PACRG: variants seen among roughly 807,000 people sequenced by gnomAD.
The protein encoded by PACRG is parkin coregulated.
A neutral mutation model predicts 29.7 loss-of-function variants in PACRG; 29 were observed. The ratio of observed to expected loss-of-function variants is 0.98; its 90% CI spans 0.73 to 1.33. The LOEUF is 1.33. PACRG is among the 40% of genes most tolerant of loss of function. The pLI is 0.00. For synonymous variants in PACRG, 116 were observed against 118.7 expected, an observed-to-expected ratio of 0.98 and a Z score of 0.15; for missense variants, 279 against 316.2, an observed-to-expected ratio of 0.88 and a Z score of 0.89.
intron 2 of PACRG, among the ~76,000 whole-genome samples, chr6:162,954,406 A>G (rs1799868370): frequency 6.6e-6 from 1 of 151,782 alleles, no homozygotes; most frequent in South Asian, 2.1e-4. Context: ...AGACTTACAG[A>G]CTAGAAAAAC....
chr6:163,188,359 A>G (rs757528281), intron 4 of PACRG, among the ~76,000 whole-genome samples: 9 of 152,242 alleles, frequency 5.9e-5, no homozygotes, highest in Non-Finnish European at 7.3e-5. Context: ...GATCAAAATG[A>G]TTGAGCTTAC....
chr6:163,177,647 G>T (rs574736594), intron 4 of PACRG, among the ~76,000 whole-genome samples: 1 of 148,904 alleles, frequency 6.7e-6, no homozygotes, highest in Non-Finnish European at 1.5e-5. Flanking sequence ...GCCCCCTCTC[G>T]TGAGAAACTG....
At chr6:162,870,467 T>C (rs1792706823) in intron 2 of PACRG, among the ~76,000 whole-genome samples, 2 of 152,176 alleles carry the variant, frequency 1.3e-5, no homozygotes, top group Non-Finnish European at 1.5e-5. Flanking sequence ...CAGGTGGTGT[T>C]TGGCTACATG....
At chr6:162,759,142 G>C (rs745423126) in intron 1 of PACRG, among the ~76,000 whole-genome samples, 1 of 152,186 alleles carries the variant, frequency 6.6e-6, no homozygotes, top group Non-Finnish European at 1.5e-5. Context: ...AGAACACAGA[G>C]ATATTCAGAT....
At chr6:162,880,207 C>T (rs575518167) in intron 2 of PACRG, among the ~76,000 whole-genome samples, 7 of 152,220 alleles carry the variant, frequency 4.6e-5, no homozygotes, top group South Asian at 2.1e-4. Flanking sequence ...AATGTAGCAA[C>T]GGTAAGAAAT....
intron 4 of PACRG, among the ~76,000 whole-genome samples, chr6:163,092,819 C>A (rs1814233149): frequency 1.3e-5 from 2 of 152,100 alleles, no homozygotes; most frequent in Admixed American, 6.6e-5. Context: ...TATATACATA[C>A]AATAGTATAT....
intron 2 of PACRG, among the ~76,000 whole-genome samples, chr6:162,838,268 A>C (rs1298989760): frequency 1.3e-5 from 2 of 152,220 alleles, no homozygotes; most frequent in Non-Finnish European, 1.5e-5. Context: ...GGTCATGGAC[A>C]GGCCTCTGCT....
chr6:162,939,408 T>G (rs1453874572), intron 2 of PACRG, among the ~76,000 whole-genome samples: 1 of 152,190 alleles, frequency 6.6e-6, no homozygotes, highest in East Asian at 1.9e-4. Flanking sequence ...TAGCTGAGAC[T>G]TAATTAAACT....
intron 2 of PACRG, among the ~76,000 whole-genome samples, chr6:162,945,111 A>T (rs894295812): frequency 2.0e-5 from 3 of 152,124 alleles, no homozygotes; most frequent in Non-Finnish European, 4.4e-5. Context: ...AGATATAGAA[A>T]ACAAGCAGAA....
chr6:163,222,902 T>C (rs1365942747), intron 4 of PACRG, among the ~76,000 whole-genome samples: 1 of 151,956 alleles, frequency 6.6e-6, no homozygotes, highest in Non-Finnish European at 1.5e-5. Context: ...TCATGTAGAG[T>C]TGTAGTAATA....
intron 3 of PACRG, among the ~76,000 whole-genome samples, chr6:163,077,808 C>T (rs187781207): frequency 7.2e-5 from 11 of 152,234 alleles, no homozygotes; most frequent in Admixed American, 6.5e-4. Flanking sequence ...TTGTCTTAGA[C>T]AGTAAAGTTT....
chr6:162,920,336 A>T (rs1051143965), intron 2 of PACRG, among the ~76,000 whole-genome samples: 8 of 152,184 alleles, frequency 5.3e-5, no homozygotes, highest in Non-Finnish European at 5.9e-5. Context: ...ATGAAAATTT[A>T]AAAAATACTG....
At chr6:162,993,084 G>T (rs1803609416) in intron 2 of PACRG, among the ~76,000 whole-genome samples, 1 of 144,926 alleles carries the variant, frequency 6.9e-6, no homozygotes, top group Non-Finnish European at 1.5e-5. Flanking sequence ...GTTCTAGTTT[G>T]ATTGCACTGT....
chr6:163,075,410 T>C (rs1812451403), intron 3 of PACRG, among the ~76,000 whole-genome samples: 1 of 152,164 alleles, frequency 6.6e-6, no homozygotes, highest in South Asian at 2.1e-4. Context: ...TTCATAAAGC[T>C]AGCATAACCT....
intron 4 of PACRG, among the ~76,000 whole-genome samples, chr6:163,231,037 G>C (rs1439191362): frequency 6.6e-6 from 1 of 152,222 alleles, no homozygotes; most frequent in African/African-American, 2.4e-5. Context: ...TCCCTGCAAA[G>C]GCAACGGCTC....
Position 163,201,799 on chromosome 6 carries a change from T to C in PACRG, c.613+112391T>C, listed in dbSNP as rs1054243898. 7.9e-5 allele frequency among the ~76,000 whole-genome samples: 12 copies of C among 152,292 alleles called. No individual in the cohort carries two copies. In the East Asian group the frequency reaches 2.3e-3, roughly 29 times the overall value. On this transcript the variant is annotated intron_variant, in intron 4 of 4. Transcript: ENST00000366888. ...TCTCTCCGCTGGGGTGACATGGGGATGTTAGGTGACCTCGAGGGCCATTGA... is the reference window on the plus strand; with the variant it reads ...TCTCTCCGCTGGGGTGACATGGGGACGTTAGGTGACCTCGAGGGCCATTGA...
intron 2 of PACRG, among the ~76,000 whole-genome samples, chr6:163,000,569 T>C (rs1252603646): frequency 1.3e-5 from 2 of 152,160 alleles, no homozygotes; most frequent in Non-Finnish European, 2.9e-5. Flanking sequence ...AGCTCTGGCA[T>C]TCTCTCCCTG....
intron 2 of PACRG, among the ~76,000 whole-genome samples, chr6:162,818,849 T>G (rs1443512996): frequency 6.6e-6 from 1 of 152,196 alleles, no homozygotes; most frequent in Non-Finnish European, 1.5e-5. Flanking sequence ...TCAGAGATAT[T>G]TGAATAGGAC....
intron 1 of PACRG, among the ~76,000 whole-genome samples, chr6:162,742,968 G>A (rs1169510426): frequency 2.0e-5 from 3 of 152,118 alleles, no homozygotes; most frequent in African/African-American, 7.2e-5. Context: ...TATAGCAGCT[G>A]CACCATTTTG....
Sources: allele counts gnomAD v4.1 joint callset (sites outside exome capture counted in the v4.1 genomes callset), GRCh38; gene constraint gnomAD v4.1.1; transcripts MANE v1.5; gene names NCBI Gene and HGNC (gene_info 2026-07-23, HGNC 2026-07-21).